The following XRCC6 variants were observed in gnomAD, a reference collection of about 807,000 sequenced individuals.
XRCC6 encodes the protein DNA repair protein Ku70.
In XRCC6, 5 loss-of-function variants were observed where a neutral mutation model predicts 65.7. That is an observed-to-expected ratio of 0.08 (90% CI 0.04 to 0.16). The LOEUF (loss-of-function observed/expected upper bound fraction) is 0.16, where lower values mean the gene tolerates loss of function less well. XRCC6 is among the 10% of genes least tolerant of loss of function. The pLI, the probability that XRCC6 is intolerant of heterozygous loss-of-function variation, is 1.00. For missense variants in XRCC6, 447 were observed against 738.1 expected (o/e 0.61, Z 4.57); for synonymous variants, 270 against 270.6 (o/e 1.00, Z 0.02).
intron 3 of XRCC6, among the ~76,000 whole-genome samples, chr22:41,628,902 G>C (rs2067707941): frequency 7.8e-6 from 1 of 128,652 alleles, no homozygotes; most frequent in African/African-American, 2.9e-5. Context: ...GGAGGCGGAG[G>C]TTACAGTGAG....
At chr22:41,637,078 A>ATTTT (rs35433922) in intron 5 of XRCC6, among the ~76,000 whole-genome samples, 1 of 88,688 alleles carries the variant, frequency 1.1e-5, no homozygotes, top group Non-Finnish European at 2.4e-5. Flanking sequence ...GATTGTCTTG[A>ATTTT]TTTTTTTTTT....
At chr22:41,639,758 G>A (rs2067855040) in intron 6 of XRCC6, among the ~76,000 whole-genome samples, 1 of 144,422 alleles carries the variant, frequency 6.9e-6, no homozygotes, top group African/African-American at 2.6e-5. Flanking sequence ...CGCCTCCCGG[G>A]TTCATGCCAT....
At chr22:41,621,788 T>C (rs572862412) in intron 1 of XRCC6, 3 of 555,612 alleles carry the variant, frequency 5.4e-6, no homozygotes, top group Non-Finnish European at 9.6e-6. Flanking sequence ...ACGTGAGGGA[T>C]AGCTGAGATG....
At position 41,650,644 on chromosome 22, in the gene XRCC6, T is replaced by TC. The variant is rs1324442655; in HGVS notation, c.961-79_961-78insC. ...CCTTAGAAGAGAGCTGATTTTAACT[T>TC]GCTAGTGTCATCATCTTCGAGTTAT... On this transcript the variant is annotated intron_variant, in intron 7 of 12. Transcript: ENST00000360079. 4 of 1,477,866 alleles carry TC rather than the reference T, an allele frequency of 2.7e-6. No homozygotes were observed. In the Admixed American group the frequency reaches 7.1e-5, roughly 26 times the overall value. 91.5% of individuals were successfully genotyped at this position (1,477,866 alleles called of 1,614,324 possible). A position where few individuals can be genotyped will look rare whatever the true frequency, so the allele number is the denominator to read the frequency against.
chr22:41,636,441 G>A (rs2067810499), intron 4 of XRCC6, 75 bp from the exon 5 acceptor site: 8 of 1,568,234 alleles, frequency 5.1e-6, no homozygotes, highest in Admixed American at 3.7e-5. Flanking sequence ...GGGTCCTTCT[G>A]TTAGTCTTGT....
At chr22:41,632,472 A>G (rs2067766062) in intron 3 of XRCC6, among the ~76,000 whole-genome samples, 1 of 151,928 alleles carries the variant, frequency 6.6e-6, no homozygotes, top group African/African-American at 2.4e-5. Flanking sequence ...TTAGCCGGGC[A>G]TGGTAGTGCA....
intron 2 of XRCC6, among the ~76,000 whole-genome samples, chr22:41,625,987 C>A (rs189515702): frequency 1.3e-5 from 2 of 152,028 alleles, no homozygotes; most frequent in African/African-American, 4.8e-5. Flanking sequence ...TATAGGCATG[C>A]GCCACCACAC....
chr22:41,644,147 C>CA (rs201779980), intron 6 of XRCC6, among the ~76,000 whole-genome samples: 2,137 of 139,786 alleles, frequency 0.015, 20 homozygotes, highest in Non-Finnish European at 0.024. Flanking sequence ...ACCCTGTCTC[C>CA]AAAAAAAAAA....
At position 41,639,329 on chromosome 22, in the gene XRCC6, C is replaced by CTTTTTTTTTT. The variant is rs386395480; in HGVS notation, c.773+1554_773+1563dup. ...GGAACCAGATTGCTAGATTCTTTTT[C>CTTTTTTTTTT]TTTTTTTTTTTTTTTTTTTTTTTTT... On this transcript the variant is annotated intron_variant, in intron 6 of 12. Coordinates refer to ENST00000360079, the MANE Select transcript of XRCC6 (RefSeq NM_001469.5). 6.5e-3 allele frequency among the ~76,000 whole-genome samples: 421 copies of CTTTTTTTTTT among 64,584 alleles called. 97 individuals carry two copies. Among genetic ancestry groups the CTTTTTTTTTT allele is most frequent in the African/African-American group, 8.0e-3 (130 of 16,320 alleles). The allele number at this position is 64,584 out of a possible 152,430, so 42.4% of individuals were successfully genotyped here. A position where few individuals can be genotyped will look rare whatever the true frequency, so the allele number is the denominator to read the frequency against.
At chr22:41,638,833 T>G (rs1399276093) in intron 6 of XRCC6, among the ~76,000 whole-genome samples, 10 of 146,768 alleles carry the variant, frequency 6.8e-5, no homozygotes, top group Non-Finnish European at 1.5e-4. Context: ...TATACCTGCA[T>G]AGGGCACTTA....
At chr22:41,651,338 T>G (rs2067992542) in intron 8 of XRCC6, among the ~76,000 whole-genome samples, 1 of 134,932 alleles carries the variant, frequency 7.4e-6, no homozygotes, top group African/African-American at 2.7e-5. Context: ...TTTGGAAATG[T>G]GGGAATGAAG....
intron 3 of XRCC6, among the ~76,000 whole-genome samples, chr22:41,631,518 A>G (rs1391202634): frequency 1.5e-5 from 2 of 134,344 alleles, no homozygotes; most frequent in East Asian, 4.8e-4. Context: ...GGCGCTCCTC[A>G]CATCCCAGAC....
At chr22:41,653,464 G>A in intron 8 of XRCC6, 65 bp from the exon 9 acceptor site, 1 of 1,455,610 alleles carries the variant, frequency 6.9e-7, no homozygotes, top group South Asian at 1.3e-5. Context: ...GAAACTTTAG[G>A]GCTAAAAGAG....
At chr22:41,656,785 G>A (rs1458555285) in intron 9 of XRCC6, 118 bp from the exon 10 acceptor site, 3 of 1,321,848 alleles carry the variant, frequency 2.3e-6, no homozygotes, top group East Asian at 2.4e-5. Context: ...TCAAGAAATG[G>A]GGCCTACGGG....
At chr22:41,660,896 C>G (rs923296228) in intron 11 of XRCC6, among the ~76,000 whole-genome samples, 1 of 152,078 alleles carries the variant, frequency 6.6e-6, no homozygotes, top group Non-Finnish European at 1.5e-5. Flanking sequence ...AATCTCTCTC[C>G]TTTTCTCCTC....
chr22:41,663,958 T>A lies in XRCC6; in HGVS notation c.*143T>A. ...GGGACTTTATGTTTTTGAGGCTTTCTGTTGCCATGGTGATGGTGTAGCCCT... is the reference window on the plus strand; with the variant it reads ...GGGACTTTATGTTTTTGAGGCTTTCAGTTGCCATGGTGATGGTGTAGCCCT... On this transcript the variant is annotated 3_prime_UTR_variant, in exon 13 of 13. Coordinates refer to ENST00000360079, the MANE Select transcript of XRCC6 (RefSeq NM_001469.5). 1.1e-6 allele frequency: 1 copy of A among 900,706 alleles called. No individual in the cohort carries two copies. Among genetic ancestry groups the A allele is most frequent in the Non-Finnish European group, 1.7e-6 (1 of 598,830 alleles). The allele number at this position is 900,706 out of a possible 1,614,324, so 55.8% of individuals were successfully genotyped here.
intron 9 of XRCC6, among the ~76,000 whole-genome samples, chr22:41,655,095 T>C (rs976610063): frequency 2.6e-5 from 4 of 152,176 alleles, no homozygotes; most frequent in African/African-American, 9.7e-5. Flanking sequence ...GTAATCAGTA[T>C]TGCGGTGCTT....
intron 7 of XRCC6, among the ~76,000 whole-genome samples, chr22:41,649,139 A>AAAAAAAAAAATATATATATAT: frequency 1.1e-5 from 1 of 88,736 alleles, no homozygotes; most frequent in Non-Finnish European, 2.1e-5. Context: ...AAAAAAAAAA[A>AAAAAAAAAAATATATATATAT]ATATATATAT....
chr22:41,643,334 G>A (rs977327129), intron 6 of XRCC6, among the ~76,000 whole-genome samples: 1 of 150,702 alleles, frequency 6.6e-6, no homozygotes, highest in Non-Finnish European at 1.5e-5. Flanking sequence ...ACTTGAACCC[G>A]GTTGGCGGAG....
Sources: allele counts gnomAD v4.1 joint callset (sites outside exome capture counted in the v4.1 genomes callset), GRCh38; gene constraint gnomAD v4.1.1; transcripts MANE v1.5; gene names NCBI Gene and HGNC (gene_info 2026-07-23, HGNC 2026-07-21).